SMC5: variants seen among roughly 807,000 people sequenced by gnomAD.
SMC5 encodes structural maintenance of chromosomes 5.
In SMC5, 88 loss-of-function variants were observed where a neutral mutation model predicts 148.3. The ratio of observed to expected loss-of-function variants is 0.59; its 90% CI spans 0.50 to 0.71. The LOEUF is 0.71. Among genes scored for constraint, SMC5 ranks in the 30% least tolerant of loss-of-function variants. The pLI is 0.00. For missense variants in SMC5, 1,142 were observed against 1,298.9 expected, an observed-to-expected ratio of 0.88 and a Z score of 1.86; for synonymous variants, 421 against 432.8, an observed-to-expected ratio of 0.97 and a Z score of 0.34.
chr9:70,269,266 A>G (rs1268601165), intron 3 of SMC5, among the ~76,000 whole-genome samples: 1 of 152,172 alleles, frequency 6.6e-6, no homozygotes, highest in East Asian at 1.9e-4. Context: ...ATACGTTCCT[A>G]GAAACATAAA....
chr9:70,290,304 C>G (rs1429697482), intron 8 of SMC5, among the ~76,000 whole-genome samples: 1 of 152,108 alleles, frequency 6.6e-6, no homozygotes, highest in Non-Finnish European at 1.5e-5. Flanking sequence ...TAAAATGTGC[C>G]TCTTGTAAAC....
At chr9:70,348,263 A>T (rs2036719963) in intron 22 of SMC5, among the ~76,000 whole-genome samples, 1 of 152,104 alleles carries the variant, frequency 6.6e-6, no homozygotes, top group African/African-American at 2.4e-5. Context: ...AACTCTTTTT[A>T]TACATCTGAG....
rs572429962 is a variant in SMC5, at chr9:70,343,149, T to C, written c.2398-995T>C. On this transcript the variant is annotated intron_variant, in intron 17 of 24. Coordinates refer to ENST00000361138, the MANE Select transcript of SMC5 (RefSeq NM_015110.4). ...AGTTACTTAATTCCTTTCAGTCTCT[T>C]TTTTTTTTTTTTAATGCGCTAAATG... Among the ~76,000 whole-genome samples the C allele has an allele frequency of 2.4e-3, 348 of 146,440 alleles. 4 individuals carry two copies. Among genetic ancestry groups the C allele is most frequent in the East Asian group, 7.3e-3 (37 of 5,052 alleles).
At position 70,300,085 on chromosome 9, in the gene SMC5, A is replaced by G. The variant is rs759197955; in HGVS notation, c.1349A>G (p.Asn450Ser). ...ATTGTACGTTTTGACAATCTTATGA[A>G]TCAGAAGGAAGATAAGCTAAGACAG... is the stretch of plus-strand genomic sequence containing the variant. The part of the protein sequence containing the change: ...DHIVRFDNLM[N>S]QKEDKLRQRF... Residue 450 changes from asparagine (N) to serine (S), a missense_variant, in exon 10 of 25, where the codon AAT becomes AGT. By Grantham distance (46) the Asn-to-Ser change is conservative (BLOSUM62 1). Coordinates refer to ENST00000361138, the MANE Select transcript of SMC5 (RefSeq NM_015110.4). 1 of 1,597,318 alleles carries G rather than the reference A, an allele frequency of 6.3e-7. No homozygotes were observed. Among genetic ancestry groups the G allele is most frequent in the Admixed American group, 1.8e-5 (1 of 54,466 alleles).
chr9:70,333,300 A>G (rs1372241897), intron 17 of SMC5, among the ~76,000 whole-genome samples: 1 of 152,186 alleles, frequency 6.6e-6, no homozygotes, highest in Non-Finnish European at 1.5e-5. Context: ...ACTATTTACA[A>G]TAGCATCAAA....
chr9:70,323,416 A>G, intron 15 of SMC5, 67 bp from the exon 16 acceptor site: 5 of 1,462,206 alleles, frequency 3.4e-6, no homozygotes, highest in Non-Finnish European at 4.6e-6. Flanking sequence ...ACTGGGGGGG[A>G]CCTAAGAATT....
intron 7 of SMC5, among the ~76,000 whole-genome samples, chr9:70,284,252 G>A (rs1456386830): frequency 7.2e-5 from 11 of 152,146 alleles, no homozygotes; most frequent in Non-Finnish European, 1.3e-4. Flanking sequence ...CAGTTACTAA[G>A]ATCAGATAAA....
chr9:70,295,485 A>AAAG (rs1291589568), intron 8 of SMC5, among the ~76,000 whole-genome samples: 1 of 151,230 alleles, frequency 6.6e-6, no homozygotes, highest in Non-Finnish European at 1.5e-5. Context: ...AAAAAAAAAA[A>AAAG]AAGAAGAAGA....
At chr9:70,269,660 C>T (rs1168722124) in intron 3 of SMC5, among the ~76,000 whole-genome samples, 1 of 152,148 alleles carries the variant, frequency 6.6e-6, no homozygotes, top group African/African-American at 2.4e-5. Flanking sequence ...AGAGTCTCAA[C>T]AGGTAAGTTT....
At chr9:70,281,626 A>G (rs778771866) in intron 6 of SMC5, among the ~76,000 whole-genome samples, 7 of 152,200 alleles carry the variant, frequency 4.6e-5, no homozygotes, top group Admixed American at 3.3e-4. Flanking sequence ...TGTTTGTTCC[A>G]AGGTTAGAAT....
At chr9:70,337,751 T>A (rs1032387787) in intron 17 of SMC5, among the ~76,000 whole-genome samples, 12 of 151,840 alleles carry the variant, frequency 7.9e-5, no homozygotes, top group African/African-American at 2.9e-4. Context: ...CCACTACACC[T>A]GGCCAAGAAA....
intron 1 of SMC5, among the ~76,000 whole-genome samples, chr9:70,261,066 T>C (rs891955515): frequency 2.6e-5 from 4 of 152,080 alleles, no homozygotes; most frequent in African/African-American, 9.7e-5. Flanking sequence ...TTGCAAGAAG[T>C]GAAGAGCATT....
chr9:70,286,306 A>T, intron 8 of SMC5, 35 bp downstream of exon 8: 3 of 1,367,904 alleles, frequency 2.2e-6, no homozygotes, highest in Non-Finnish European at 3.1e-6. Context: ...ATTACATTAA[A>T]GTTTGCTCTA....
chr9:70,332,515 C>A (rs1459963703), intron 17 of SMC5, among the ~76,000 whole-genome samples: 4 of 111,166 alleles, frequency 3.6e-5, no homozygotes, highest in African/African-American at 9.9e-5. Flanking sequence ...CAGAGTGAGA[C>A]CCTGTCTCAA....
intron 17 of SMC5, among the ~76,000 whole-genome samples, chr9:70,334,370 A>C (rs1258735356): frequency 6.6e-6 from 1 of 152,232 alleles, no homozygotes; most frequent in Non-Finnish European, 1.5e-5. Context: ...TCTTAGATAA[A>C]ATAGAAAAAA....
intron 17 of SMC5, among the ~76,000 whole-genome samples, chr9:70,330,367 C>T (rs1428086460): frequency 6.6e-6 from 1 of 152,022 alleles, no homozygotes; most frequent in Non-Finnish European, 1.5e-5. Context: ...AAAGTACCCC[C>T]AGTTGAGAAC....
chr9:70,302,838 C>T (rs1465863240), intron 10 of SMC5, among the ~76,000 whole-genome samples: 1 of 152,142 alleles, frequency 6.6e-6, no homozygotes. Flanking sequence ...TTGAGTCTTC[C>T]TGAGCAGGTG....
chr9:70,339,212 G>A (rs1443053720), intron 17 of SMC5, among the ~76,000 whole-genome samples: 6 of 152,040 alleles, frequency 3.9e-5, no homozygotes, highest in African/African-American at 1.4e-4. Context: ...GGTGGATCAC[G>A]AGGTCGGGAG....
chr9:70,324,111 ATGGC>A lies in SMC5; in HGVS notation c.2366_2369del (p.Met789ThrfsTer31). 6.3e-7 allele frequency: 1 copy of A among 1,598,836 alleles called. No individual in the cohort carries two copies. Among genetic ancestry groups the A allele is most frequent in the Non-Finnish European group, 8.5e-7 (1 of 1,177,124 alleles). The stretch of plus-strand genomic sequence containing the variant: ...GAAGAACAAATTAGAATCAGATTAT[ATGGC>A]CGCATCTTCACAACTCCGTCTTACA... On this transcript the variant is annotated frameshift_variant, in exon 17 of 25. Coordinates refer to ENST00000361138, the MANE Select transcript of SMC5 (RefSeq NM_015110.4). LOFTEE classifies it high-confidence loss of function.
Sources: allele counts gnomAD v4.1 joint callset (sites outside exome capture counted in the v4.1 genomes callset), GRCh38; gene constraint gnomAD v4.1.1; transcripts MANE v1.5; gene names NCBI Gene and HGNC (gene_info 2026-07-23, HGNC 2026-07-21).